The following LRP1B variants were observed in gnomAD, a reference collection of about 807,000 sequenced individuals.
LRP1B encodes LDL receptor related protein 1B.
Under a neutral mutation model 556.6 loss-of-function variants are expected in LRP1B, and 217 were observed. The ratio of observed to expected loss-of-function variants is 0.39; its 90% CI spans 0.35 to 0.44. LRP1B has a LOEUF of 0.44. Among genes scored for constraint, LRP1B ranks in the 20% least tolerant of loss-of-function variants. The pLI, the probability that LRP1B is intolerant of heterozygous loss-of-function variation, is 1.00. For synonymous variants in LRP1B, 2,047 were observed against 1,865.8 expected, an observed-to-expected ratio of 1.10 and a Z score of -2.50; for missense variants, 5,053 against 5,620.8, an observed-to-expected ratio of 0.90 and a Z score of 3.23.
intron 1 of LRP1B, among the ~76,000 whole-genome samples, chr2:142,109,766 A>G (rs186567002): frequency 6.6e-6 from 1 of 152,268 alleles, no homozygotes. Context: ...AAAGTGTAAC[A>G]TGTTTGGTTT....
At chr2:140,298,703 G>T (rs537228579) in intron 83 of LRP1B, among the ~76,000 whole-genome samples, 2 of 152,040 alleles carry the variant, frequency 1.3e-5, no homozygotes, top group Non-Finnish European at 2.9e-5. Flanking sequence ...ACTCTGTGGG[G>T]ACTAACATCA....
chr2:141,453,208 G>C (rs1210982446), intron 3 of LRP1B, among the ~76,000 whole-genome samples: 1 of 151,982 alleles, frequency 6.6e-6, no homozygotes, highest in African/African-American at 2.4e-5. Context: ...CTACACTCCA[G>C]CCTGGGTGAC....
At chr2:141,938,175 A>G (rs1457182370) in intron 1 of LRP1B, among the ~76,000 whole-genome samples, 1 of 152,176 alleles carries the variant, frequency 6.6e-6, no homozygotes, top group African/African-American at 2.4e-5. Context: ...GGCAACCTAC[A>G]GACTGAAAAT....
In LRP1B at chr2:140,598,704, G is replaced by A. The variant is rs2105188777; in HGVS notation, c.7121C>T (p.Ala2374Val). 6.2e-7 allele frequency: 1 copy of A among 1,613,652 alleles called. No homozygotes were observed. The change falls in exon 43 of 91, where the codon GCA becomes GTA. Residue 2374 changes from alanine (A) to valine (V), a missense_variant. Transcript: ENST00000389484. ...GCCATCTGAGAAATACAGCTTCTCT[G>A]CACGGTAGTCGATAGTAAGTCCATT... ...TPNGLTIDYR[A>V]EKLYFSDGSL...
At chr2:141,164,962 C>T (rs1680188068) in intron 7 of LRP1B, among the ~76,000 whole-genome samples, 1 of 151,944 alleles carries the variant, frequency 6.6e-6, no homozygotes, top group Admixed American at 6.6e-5. Flanking sequence ...TTTTAATCAT[C>T]TTATTCCTCT....
At chr2:141,122,241 A>G in intron 7 of LRP1B, among the ~76,000 whole-genome samples, 1 of 152,172 alleles carries the variant, frequency 6.6e-6, no homozygotes, top group East Asian at 1.9e-4. Context: ...AAAAGCCAAA[A>G]TTGACAAGTG....
intron 7 of LRP1B, among the ~76,000 whole-genome samples, chr2:141,155,639 C>T (rs1470719069): frequency 1.3e-5 from 2 of 151,922 alleles, no homozygotes; most frequent in Non-Finnish European, 2.9e-5. Context: ...CTCACATTTT[C>T]TGAAACCCTA....
chr2:141,445,118 C>T (rs1026610867), intron 3 of LRP1B, among the ~76,000 whole-genome samples: 1 of 152,172 alleles, frequency 6.6e-6, no homozygotes, highest in African/African-American at 2.4e-5. Context: ...TGGTATTGGT[C>T]TATTCAGGGA....
chr2:140,906,959 T>G (rs1236652202), intron 22 of LRP1B, among the ~76,000 whole-genome samples: 2 of 143,520 alleles, frequency 1.4e-5, no homozygotes, highest in Non-Finnish European at 3.0e-5. Context: ...AAAAGACATT[T>G]TACCACATAT....
intron 5 of LRP1B, among the ~76,000 whole-genome samples, chr2:141,232,639 G>T (rs1683514993): frequency 6.6e-6 from 1 of 152,160 alleles, no homozygotes; most frequent in South Asian, 2.1e-4. Context: ...GAGTGAATCA[G>T]TTAATTGTTT....
chr2:141,097,229 G>A (rs1700345315), intron 7 of LRP1B, among the ~76,000 whole-genome samples: 1 of 152,026 alleles, frequency 6.6e-6, no homozygotes, highest in Admixed American at 6.6e-5. Flanking sequence ...GAGAATCTAT[G>A]GTAATTTATG....
In LRP1B at chr2:141,548,045, C is replaced by T. The variant is rs79835813; in HGVS notation, c.206-67512G>A. On this transcript the variant is annotated intron_variant, in intron 2 of 90. Transcript: ENST00000389484. ...ATATTTGCTGTATGTCTTGAATATA[C>T]ACAAAAGAGCAAGAGTTTCAAAGTT... Among the ~76,000 whole-genome samples the T allele has an allele frequency of 4.5e-3, 681 of 152,218 alleles. 3 individuals carry two copies. Among genetic ancestry groups the T allele is most frequent in the African/African-American group, 0.015 (643 of 41,514 alleles).
intron 3 of LRP1B, among the ~76,000 whole-genome samples, chr2:141,380,227 A>G (rs1406626539): frequency 1.3e-5 from 1 of 76,428 alleles, no homozygotes; most frequent in Non-Finnish European, 3.0e-5. Flanking sequence ...CTCCAGGAGA[A>G]AAAAAAAAAA....
intron 7 of LRP1B, among the ~76,000 whole-genome samples, chr2:141,159,856 C>G (rs10176562): frequency 0.58 from 88,153 of 151,926 alleles, 26,419 homozygotes; most frequent in Middle Eastern, 0.72. Context: ...CATGGATGAA[C>G]CTGGAAGCCA....
intron 49 of LRP1B, among the ~76,000 whole-genome samples, chr2:140,517,811 A>G (rs1008141989): frequency 1.3e-5 from 2 of 150,720 alleles, no homozygotes; most frequent in Non-Finnish European, 2.9e-5. Flanking sequence ...CCCGGGTTCA[A>G]GTGATTCTCC....
intron 1 of LRP1B, among the ~76,000 whole-genome samples, chr2:141,834,310 A>AG (rs1260226543): frequency 6.6e-6 from 1 of 151,756 alleles, no homozygotes; most frequent in East Asian, 1.9e-4. Flanking sequence ...ATTGACAAAA[A>AG]CAGGCAGACT....
At chr2:141,252,442 A>C (rs1204074471) in intron 4 of LRP1B, among the ~76,000 whole-genome samples, 1 of 152,194 alleles carries the variant, frequency 6.6e-6, no homozygotes, top group Non-Finnish European at 1.5e-5. Flanking sequence ...ACAGCCAGCA[A>C]TCATGGATGG....
At chr2:141,546,983 A>G (rs1477252313) in intron 2 of LRP1B, among the ~76,000 whole-genome samples, 1 of 152,164 alleles carries the variant, frequency 6.6e-6, no homozygotes, top group African/African-American at 2.4e-5. Flanking sequence ...TGATGTCCAA[A>G]GTTCCAGCAT....
chr2:140,935,547 C>T (rs1353331970), intron 20 of LRP1B, among the ~76,000 whole-genome samples: 3 of 151,902 alleles, frequency 2.0e-5, no homozygotes, highest in Admixed American at 6.6e-5. Context: ...ACTTGCAGGG[C>T]ACCATGAAGA....
Sources: allele counts gnomAD v4.1 joint callset (sites outside exome capture counted in the v4.1 genomes callset), GRCh38; gene constraint gnomAD v4.1.1; transcripts MANE v1.5; gene names NCBI Gene and HGNC (gene_info 2026-07-23, HGNC 2026-07-21).